COL5A2: variants seen among roughly 807,000 people sequenced by gnomAD.
COL5A2 encodes the protein collagen type V alpha 2 chain.
A neutral mutation model predicts 208.2 loss-of-function variants in COL5A2; 23 were observed. The ratio of observed to expected loss-of-function variants is 0.11; its 90% confidence interval spans 0.08 to 0.16. COL5A2 has a LOEUF of 0.16. Among genes scored for constraint, COL5A2 ranks in the 10% least tolerant of loss-of-function variants. The probability of loss-of-function intolerance (pLI) is 1.00; values close to 1 mark genes in which losing one functional copy is unlikely to be tolerated. For missense variants in COL5A2, 1,590 were observed against 1,956.4 expected (o/e 0.81, Z 3.53); for synonymous variants, 625 against 628.5 (o/e 0.99, Z 0.08).
At chr2:189,167,150 C>T (rs1405992313) in intron 1 of COL5A2, among the ~76,000 whole-genome samples, 1 of 152,116 alleles carries the variant, frequency 6.6e-6, no homozygotes, top group Non-Finnish European at 1.5e-5. Context: ...AGAACTGGAC[C>T]TGCTCTTACT....
intron 1 of COL5A2, among the ~76,000 whole-genome samples, chr2:189,127,338 C>T (rs1022008787): frequency 3.3e-5 from 5 of 151,850 alleles, no homozygotes; most frequent in African/African-American, 1.2e-4. Context: ...AGGATTTTGC[C>T]AACCCAAATC....
At chr2:189,234,249 T>A in the COL5A2 span, among the ~76,000 whole-genome samples, 1 of 151,678 alleles carries the variant, frequency 6.6e-6, no homozygotes, top group African/African-American at 2.4e-5. Context: ...CACACCCTAG[T>A]TTTTGTTTTT....
intron 1 of COL5A2, among the ~76,000 whole-genome samples, chr2:189,165,787 G>A (rs956878425): frequency 1.3e-5 from 2 of 152,172 alleles, no homozygotes; most frequent in African/African-American, 2.4e-5. Flanking sequence ...AGCTCTATAT[G>A]TAGAAAAATG....
chr2:189,380,175 T>G, the COL5A2 span, among the ~76,000 whole-genome samples: 1 of 152,024 alleles, frequency 6.6e-6, no homozygotes, highest in African/African-American at 2.4e-5. Flanking sequence ...ATGAATGGAA[T>G]GGGATAATAA....
At chr2:189,139,655 C>T (rs1465237346) in intron 1 of COL5A2, among the ~76,000 whole-genome samples, 1 of 152,052 alleles carries the variant, frequency 6.6e-6, no homozygotes, top group Non-Finnish European at 1.5e-5. Context: ...TTGGCTTATT[C>T]GTTGTGAATG....
the COL5A2 span, among the ~76,000 whole-genome samples, chr2:189,415,401 C>T: frequency 1.3e-5 from 2 of 151,902 alleles, no homozygotes; most frequent in African/African-American, 2.4e-5. Context: ...ATGGTCTAAA[C>T]GATGGTCTTT....
chr2:189,434,325 G>A, the COL5A2 span, among the ~76,000 whole-genome samples: 1 of 152,138 alleles, frequency 6.6e-6, no homozygotes, highest in Admixed American at 6.5e-5. Context: ...GGAAGTTCTG[G>A]CCAGGGTAAT....
the COL5A2 span, among the ~76,000 whole-genome samples, chr2:189,237,897 C>T: frequency 2.0e-5 from 3 of 151,898 alleles, no homozygotes; most frequent in Middle Eastern, 3.4e-3. Flanking sequence ...GTTCAATAAA[C>T]TTAAAAATCA....
chr2:189,314,000 C>CT, the COL5A2 span, among the ~76,000 whole-genome samples: 1 of 152,174 alleles, frequency 6.6e-6, no homozygotes. Context: ...TAGTGGGGAA[C>CT]TTTAACACCC....
intron 1 of COL5A2, among the ~76,000 whole-genome samples, chr2:189,177,622 T>C (rs555113699): frequency 2.0e-5 from 3 of 152,286 alleles, no homozygotes; most frequent in East Asian, 1.9e-4. Context: ...TCTGTAAAAT[T>C]TGATGTTTGG....
chr2:189,132,263 T>G (rs1230836750), intron 1 of COL5A2, among the ~76,000 whole-genome samples: 4 of 152,180 alleles, frequency 2.6e-5, no homozygotes, highest in Non-Finnish European at 5.9e-5. Context: ...AATAACAGTA[T>G]CATTTTGGTA....
the COL5A2 span, among the ~76,000 whole-genome samples, chr2:189,324,797 C>T: frequency 6.6e-6 from 1 of 152,146 alleles, no homozygotes; most frequent in Non-Finnish European, 1.5e-5. Flanking sequence ...TACCATTTGA[C>T]CCAGCCATCC....
At chr2:189,309,396 G>A in the COL5A2 span, among the ~76,000 whole-genome samples, 3 of 152,106 alleles carry the variant, frequency 2.0e-5, no homozygotes, top group Non-Finnish European at 4.4e-5. Context: ...AGAGAAGAAT[G>A]CCCCAAGTAA....
intron 1 of COL5A2, 69 bp from the exon 2 acceptor site, chr2:189,110,518 C>T: frequency 6.9e-7 from 1 of 1,457,114 alleles, no homozygotes; most frequent in African/African-American, 1.4e-5. Context: ...AAAGGTGAGC[C>T]ATCTTGTGGA....
chr2:189,286,305 A>AT, the COL5A2 span, among the ~76,000 whole-genome samples: 2 of 152,102 alleles, frequency 1.3e-5, no homozygotes, highest in South Asian at 4.1e-4. Flanking sequence ...AACTATAGAT[A>AT]TTTTTTTCTA....
chr2:189,432,514 A>T, the COL5A2 span, among the ~76,000 whole-genome samples: 1 of 152,216 alleles, frequency 6.6e-6, no homozygotes, highest in East Asian at 1.9e-4. Flanking sequence ...AAAGCAAAAA[A>T]AGCAGGGGTT....
In COL5A2 at chr2:189,126,725, G is replaced by T. The variant is rs1687613871; in HGVS notation, c.98-16276C>A. On this transcript the variant is annotated intron_variant, in intron 1 of 53. Coordinates refer to ENST00000374866, the MANE Select transcript of COL5A2 (RefSeq NM_000393.5). The stretch of plus-strand genomic sequence containing the variant: ...ACATTTAGTAAATGAAATATATGCA[G>T]TCCAGTGTGCCATGTAGGGGATTTG... 2.0e-5 allele frequency among the ~76,000 whole-genome samples: 3 copies of T among 152,114 alleles called. No homozygotes were observed. In the South Asian group the frequency reaches 6.2e-4, roughly 31 times the overall value.
At chr2:189,190,811 A>C (rs550083539) in intron 1 of COL5A2, among the ~76,000 whole-genome samples, 1 of 152,356 alleles carries the variant, frequency 6.6e-6, no homozygotes, top group Non-Finnish European at 1.5e-5. Context: ...TTCAAAAGTT[A>C]CATGATTTAT....
chr2:189,089,001 C>A (rs1297564086), intron 7 of COL5A2, among the ~76,000 whole-genome samples: 2 of 152,136 alleles, frequency 1.3e-5, no homozygotes, highest in Admixed American at 1.3e-4. Context: ...TGCTCCAGAG[C>A]AGTTTCTGAA....
Sources: gnomAD v4.1 joint callset for allele counts (sites outside exome capture counted in the v4.1 genomes callset) on GRCh38, gnomAD v4.1.1 for gene constraint, MANE v1.5 for transcripts, NCBI Gene and HGNC (gene_info 2026-07-23, HGNC 2026-07-21) for gene names.